FUBP3: variants seen among roughly 807,000 people sequenced by gnomAD.
FUBP3 encodes the protein far upstream element binding protein 3.
FUBP3 carries 28 observed loss-of-function variants against 85.6 expected under a neutral mutation model. The observed-to-expected ratio is 0.33, with a 90% CI of 0.24 to 0.45. FUBP3 has a LOEUF of 0.45. Among genes scored for constraint, FUBP3 ranks in the 20% least tolerant of loss-of-function variants. The pLI is 1.00. For missense variants in FUBP3, 583 were observed against 755.1 expected, an observed-to-expected ratio of 0.77 and a Z score of 2.67; for synonymous variants, 271 against 271.4, an observed-to-expected ratio of 1.00 and a Z score of 0.01.
intron 1 of FUBP3, among the ~76,000 whole-genome samples, chr9:130,592,260 T>G (rs573324784): frequency 6.6e-6 from 1 of 152,160 alleles, no homozygotes; most frequent in Non-Finnish European, 1.5e-5. Flanking sequence ...GTAAAAGATC[T>G]GGAAGCCCAG....
intron 3 of FUBP3, among the ~76,000 whole-genome samples, chr9:130,611,133 G>A (rs924903096): frequency 6.6e-6 from 1 of 152,166 alleles, no homozygotes; most frequent in African/African-American, 2.4e-5. Flanking sequence ...GTGACATTTT[G>A]TATTGCAGTA....
intron 10 of FUBP3, 55 bp from the exon 11 acceptor site, chr9:130,623,556 G>GT: frequency 8.8e-7 from 1 of 1,140,868 alleles, no homozygotes. Context: ...ATTAATCCTT[G>GT]TTTCCTTCTA....
chr9:130,599,766 C>T (rs1831059818), intron 2 of FUBP3, among the ~76,000 whole-genome samples: 1 of 152,228 alleles, frequency 6.6e-6, no homozygotes, highest in South Asian at 2.1e-4. Context: ...GCACCTTTTT[C>T]ATCCAGTACT....
At chr9:130,600,929 T>C (rs1831124335) in intron 2 of FUBP3, among the ~76,000 whole-genome samples, 1 of 152,038 alleles carries the variant, frequency 6.6e-6, no homozygotes, top group African/African-American at 2.4e-5. Context: ...TAAGCAGTGA[T>C]CGCACCACTG....
intron 2 of FUBP3, among the ~76,000 whole-genome samples, chr9:130,597,862 G>T (rs1830946862): frequency 6.6e-6 from 1 of 152,212 alleles, no homozygotes; most frequent in Non-Finnish European, 1.5e-5. Context: ...ACAGCCTGTT[G>T]TTACCTAAGA....
chr9:130,618,715 C>CAAGAATGGGTCTTCTCTGGG (rs1032965538), intron 8 of FUBP3, among the ~76,000 whole-genome samples: 7 of 152,318 alleles, frequency 4.6e-5, no homozygotes, highest in Admixed American at 6.5e-5. Flanking sequence ...AGGCCACCAT[C>CAAGAATGGGTCTTCTCTGGG]AAGAATGGGT....
At position 130,617,915 on chromosome 9, in the gene FUBP3, T is replaced by G. The variant is rs1832088392; in HGVS notation, c.666+20T>G. On this transcript the variant is annotated intron_variant, in intron 8 of 18. Transcript: ENST00000319725. Reference sequence around the variant, plus strand: ...GTACAGGTAGGAAAGTGCCATGGGTTGGGTGAGTCCTGGCTGTTGGGGCTA... The same window carrying G: ...GTACAGGTAGGAAAGTGCCATGGGTGGGGTGAGTCCTGGCTGTTGGGGCTA... The G allele has an allele frequency of 8.0e-7, 1 of 1,254,470 alleles. No homozygotes were observed. Among genetic ancestry groups the G allele is most frequent in the Non-Finnish European group, 1.2e-6 (1 of 859,380 alleles). 77.7% of individuals were successfully genotyped at this position (1,254,470 alleles called of 1,614,324 possible).
At chr9:130,580,107 A>C (rs1166029832) in intron 1 of FUBP3, among the ~76,000 whole-genome samples, 1 of 152,202 alleles carries the variant, frequency 6.6e-6, no homozygotes, top group African/African-American at 2.4e-5. Flanking sequence ...CGGGAAGCCC[A>C]CGGGGAGGAT....
chr9:130,626,613 T>C, intron 12 of FUBP3, 108 bp downstream of exon 12: 2 of 1,156,504 alleles, frequency 1.7e-6, no homozygotes, highest in Non-Finnish European at 2.5e-6. Flanking sequence ...TGCTGCAGGC[T>C]GGGGCTGCCC....
rs568878644 is a variant in FUBP3, at chr9:130,629,541, C to A, written c.1118-1087C>A. Among the ~76,000 whole-genome samples, 48 of 152,254 alleles carry A rather than the reference C, an allele frequency of 3.2e-4. No individual in the cohort carries two copies. The South Asian group carries it at 9.4e-3, about 30-fold the overall frequency. ...CGCCCTTGTGTCTGCCTTTAGCGTC[C>A]CCTCCCTACTGGCCCGATAGGCTGT... On this transcript the variant is annotated intron_variant, in intron 12 of 18. Transcript: ENST00000319725.
intron 14 of FUBP3, 89 bp downstream of exon 14, chr9:130,631,719 G>C (rs1281407274): frequency 3.6e-6 from 4 of 1,106,084 alleles, no homozygotes; most frequent in Non-Finnish European, 5.4e-6. Flanking sequence ...GCGAGTGCCA[G>C]CCAAGGCCTG....
rs1437689702 is a variant in FUBP3 at position 130,612,383 on chromosome 9, G to C, written c.225-73G>C. ...TTATCATGCAACATTGCCAGTATGG[G>C]CAGTTTGGGGACCTAAAATGGCTGC... On this transcript the variant is annotated intron_variant, in intron 3 of 18. Transcript: ENST00000319725. The surrounding 1 kb of genome is among the most constrained non-coding windows in gnomAD (Gnocchi z 4.1). 1 of 874,454 alleles carries C rather than the reference G, an allele frequency of 1.1e-6. No individual in the cohort carries two copies. Among genetic ancestry groups the C allele is most frequent in the Admixed American group, 2.1e-5 (1 of 47,698 alleles). 54.2% of individuals were successfully genotyped at this position (874,454 alleles called of 1,614,324 possible). A position where few individuals can be genotyped will look rare whatever the true frequency, so the allele number is the denominator to read the frequency against.
intron 1 of FUBP3, among the ~76,000 whole-genome samples, chr9:130,593,785 C>G (rs923638402): frequency 2.6e-5 from 4 of 152,138 alleles, no homozygotes; most frequent in Admixed American, 6.5e-5. Flanking sequence ...AACTGAGGGA[C>G]TAACATCAAG....
rs1457852451 is a variant in FUBP3 at position 130,635,782 on chromosome 9, A to G, written c.1583-217A>G. ...CCGCAGAGAGAAGGCAGGCGTGAGG[A>G]TTGGTCTTCACAGGCATAGCAGGGG... On this transcript the variant is annotated intron_variant, in intron 17 of 18. Coordinates refer to ENST00000319725, the MANE Select transcript of FUBP3 (RefSeq NM_003934.2). The surrounding 1 kb of genome is among the most constrained non-coding windows in gnomAD (Gnocchi z 4.3). 3 of 522,612 alleles carry G rather than the reference A, an allele frequency of 5.7e-6. No individual in the cohort carries two copies. The highest frequency in any genetic ancestry group is 3.9e-5 in the African/African-American group (2 of 51,346). 32.4% of individuals were successfully genotyped at this position (522,612 alleles called of 1,614,324 possible).
rs1554745879 is a variant in FUBP3, at chr9:130,628,079, A to AC, written c.1117+1574_1117+1575insC. ...TCTATGTCACACACACACCGCACTA[A>AC]ACACACGCACGCACGCACGCACGCG... On this transcript the variant is annotated intron_variant, in intron 12 of 18. Coordinates refer to ENST00000319725, the MANE Select transcript of FUBP3 (RefSeq NM_003934.2). Among the ~76,000 whole-genome samples, 115 of 146,066 alleles carry AC rather than the reference A, an allele frequency of 7.9e-4. 1 individual carries two copies. Among genetic ancestry groups the AC allele is most frequent in the African/African-American group, 3.0e-3 (114 of 38,196 alleles).
chr9:130,589,675 GTATATATATATATATATA>G (rs1170568300), intron 1 of FUBP3, among the ~76,000 whole-genome samples: 1 of 34,312 alleles, frequency 2.9e-5, no homozygotes, highest in African/African-American at 1.3e-4. Flanking sequence ...GTATGTGTGT[GTATATATATATATATATA>G]TATATATATA....
rs188015310 is a variant in FUBP3, at chr9:130,594,988, A to G, written c.85-495A>G. Among the ~76,000 whole-genome samples, 8 of 151,266 alleles carry G rather than the reference A, an allele frequency of 5.3e-5. No homozygotes were observed. The East Asian group carries it at 9.8e-4, about 18-fold the overall frequency. On this transcript the variant is annotated intron_variant, in intron 1 of 18. Transcript: ENST00000319725. ...ACGCCTATAATCCCAGCACTTTGAG[A>G]GGCCAAGGGGGGCAGATCACCCGAG...
rs758022902 is a variant in FUBP3, at chr9:130,634,661, G to C, written c.1511-6G>C. The C allele has an allele frequency of 6.2e-7, 1 of 1,612,226 alleles. No homozygotes were observed. Among genetic ancestry groups the C allele is most frequent in the East Asian group, 2.2e-5 (1 of 44,854 alleles). On this transcript the variant is annotated splice_region_variant and splice_polypyrimidine_tract_variant and intron_variant, in intron 16 of 18. Coordinates refer to ENST00000319725, the MANE Select transcript of FUBP3 (RefSeq NM_003934.2). ...AGGCCTGACTGCTTTTGTGTTCTTC[G>C]CACAGGCCAGCAGAGCCAGCCGCAG...
chr9:130,599,365 G>A (rs1588127784), intron 2 of FUBP3, among the ~76,000 whole-genome samples: 2 of 40,200 alleles, frequency 5.0e-5, no homozygotes, highest in African/African-American at 8.7e-5. Context: ...GTATATGTGT[G>A]TGTGTGTGTG....
Sources: allele counts gnomAD v4.1 joint callset (sites outside exome capture counted in the v4.1 genomes callset), GRCh38; gene constraint gnomAD v4.1.1; non-coding constraint Gnocchi (gnomAD v3.1); transcripts MANE v1.5; gene names NCBI Gene and HGNC (gene_info 2026-07-23, HGNC 2026-07-21).